The following EPG5 variants were observed in gnomAD, a reference collection of about 807,000 sequenced individuals.
EPG5 encodes the protein ectopic P-granules 5 autophagy tethering factor.
Under a neutral mutation model 302.7 loss-of-function variants are expected in EPG5, and 159 were observed. The observed-to-expected ratio is 0.53, with a 90% CI of 0.46 to 0.60. EPG5 has a LOEUF of 0.60. Ranked by LOEUF, EPG5 falls within the 20% of genes least tolerant of loss-of-function variation. The pLI, the probability that EPG5 is intolerant of heterozygous loss-of-function variation, is 0.00. For missense variants in EPG5, 2,896 were observed against 3,092.4 expected (o/e 0.94, Z 1.51); for synonymous variants, 1,158 against 1,136.8 (o/e 1.02, Z -0.37).
chr18:45,831,590 G>A, the EPG5 span, among the ~76,000 whole-genome samples: 2 of 152,166 alleles, frequency 1.3e-5, no homozygotes, highest in Non-Finnish European at 2.9e-5. Flanking sequence ...CTAGCACATG[G>A]TAAACTCTCA....
chr18:45,878,482 A>C, intron 33 of EPG5, 34 bp from the exon 34 acceptor site: 1 of 1,337,388 alleles, frequency 7.5e-7, no homozygotes, highest in Non-Finnish European at 1.1e-6. Context: ...AAAGGTCATC[A>C]TTTGTCATTT....
At chr18:45,818,794 C>T in the EPG5 span, among the ~76,000 whole-genome samples, 2 of 128,446 alleles carry the variant, frequency 1.6e-5, no homozygotes, top group East Asian at 2.6e-4. Context: ...AGTGCAGTGG[C>T]GTGATCTCGG....
chr18:45,842,459 GA>G, the EPG5 span: 23 of 455,620 alleles, frequency 5.0e-5, no homozygotes, highest in Non-Finnish European at 6.8e-5. Context: ...GAGAGAGAGA[GA>G]GTACACGCAT....
chr18:45,849,021 T>G lies in EPG5; in HGVS notation c.*3446A>C, dbSNP rs1374979805. 2.8e-5 allele frequency: 4 copies of G among 145,412 alleles called. No homozygotes were observed. The Admixed American group carries it at 2.8e-4, about 10-fold the overall frequency. The allele number at this position is 145,412 out of a possible 1,614,324, so 9.0% of individuals were successfully genotyped here. Reference sequence around the variant, plus strand: ...ATAGCTTGAACCCAGGAGGCGGAGGTTGCAGTGAGCCGAGACCATGCCATT... The same window carrying G: ...ATAGCTTGAACCCAGGAGGCGGAGGGTGCAGTGAGCCGAGACCATGCCATT... On this transcript the variant is annotated 3_prime_UTR_variant, in exon 44 of 44. Coordinates refer to ENST00000282041, the MANE Select transcript of EPG5 (RefSeq NM_020964.3).
chr18:45,865,514 G>C, intron 39 of EPG5, 101 bp downstream of exon 39: 1 of 1,259,642 alleles, frequency 7.9e-7, no homozygotes, highest in Admixed American at 2.0e-5. Context: ...TCTGGAAAGA[G>C]GAGTGCCAGT....
Position 45,952,409 on chromosome 18 carries a change from G to C in EPG5, c.1243C>G (p.Gln415Glu). Reference sequence around the variant, plus strand: ...TTCATTACTTACATACCTCGGCCTTGCTGGTGAATTGCTGAAGATCTCAGA... The same window carrying C: ...TTCATTACTTACATACCTCGGCCTTCCTGGTGAATTGCTGAAGATCTCAGA... Reference protein sequence around the residue: ...AVLRSSAIHQQGRASKQTESI... With the variant: ...AVLRSSAIHQEGRASKQTESI... Residue 415 changes from glutamine (Q) to glutamate (E), a missense_variant, in exon 3 of 44, where the codon CAA becomes GAA. Transcript: ENST00000282041. 5 of 1,613,920 alleles carry C rather than the reference G, an allele frequency of 3.1e-6. No individual in the cohort carries two copies. Among genetic ancestry groups the C allele is most frequent in the Non-Finnish European group, 4.2e-6 (5 of 1,179,964 alleles).
chr18:45,867,893 T>G (rs904508432), intron 36 of EPG5, 145 bp from the exon 37 acceptor site: 2 of 728,104 alleles, frequency 2.7e-6, no homozygotes, highest in African/African-American at 3.5e-5. Context: ...CCTAGAGATT[T>G]AGACTTAATA....
intron 12 of EPG5, among the ~76,000 whole-genome samples, chr18:45,930,341 G>C (rs2050372322): frequency 6.6e-6 from 1 of 152,122 alleles, no homozygotes; most frequent in Admixed American, 6.6e-5. Flanking sequence ...CTAGGTTTCT[G>C]CTACTAGCCA....
chr18:45,871,137 T>C (rs1034307911), intron 35 of EPG5, among the ~76,000 whole-genome samples: 24 of 152,216 alleles, frequency 1.6e-4, no homozygotes, highest in African/African-American at 5.5e-4. Context: ...GTTCCATTTT[T>C]TAAAAGAAGG....
At chr18:45,952,679 T>C in intron 2 of EPG5, 36 bp from the exon 3 acceptor site, 1 of 1,605,682 alleles carries the variant, frequency 6.2e-7, no homozygotes, top group Non-Finnish European at 8.5e-7. Context: ...ATGAAACCAG[T>C]TACTCTTTCC....
the EPG5 span, among the ~76,000 whole-genome samples, chr18:45,818,136 T>C: frequency 3.4e-4 from 52 of 152,350 alleles, no homozygotes; most frequent in African/African-American, 1.1e-3. Flanking sequence ...CTAATCTTTT[T>C]AATAGATTCA....
chr18:45,960,827 G>A (rs2051132941), intron 1 of EPG5, among the ~76,000 whole-genome samples: 1 of 151,592 alleles, frequency 6.6e-6, no homozygotes, highest in Non-Finnish European at 1.5e-5. Context: ...TAAAACTAAA[G>A]TTTTTTTTAA....
intron 24 of EPG5, among the ~76,000 whole-genome samples, chr18:45,906,816 G>A (rs560095778): frequency 4.6e-5 from 7 of 152,136 alleles, no homozygotes; most frequent in Admixed American, 2.6e-4. Context: ...CACCATGCCC[G>A]GCTAATTTTT....
At chr18:45,844,510 C>T (rs1162116059), downstream of EPG5, among the ~76,000 whole-genome samples, 1 of 152,036 alleles carries the variant, frequency 6.6e-6, no homozygotes. Context: ...TCACATGTAC[C>T]CTATAAATAT....
the EPG5 span, among the ~76,000 whole-genome samples, chr18:45,812,858 G>A: frequency 2.6e-5 from 4 of 152,156 alleles, no homozygotes; most frequent in Non-Finnish European, 5.9e-5. Flanking sequence ...CATAGGCATG[G>A]GCAAGGACTT....
At chr18:45,808,282 T>C in the EPG5 span, among the ~76,000 whole-genome samples, 2 of 152,308 alleles carry the variant, frequency 1.3e-5, no homozygotes, top group Admixed American at 1.3e-4. Flanking sequence ...AGAACAGACA[T>C]TTGAAAGTTT....
rs544994214 is a variant in EPG5, at chr18:45,872,499, T to A, written c.6050-1757A>T. ...CAGGCAGATCACTTTAGGTCAGGAGTTCGAGACTAACCTGGCCAACATGGT... is the reference window on the plus strand; with the variant it reads ...CAGGCAGATCACTTTAGGTCAGGAGATCGAGACTAACCTGGCCAACATGGT... On this transcript the variant is annotated intron_variant, in intron 35 of 43. Transcript: ENST00000282041. 3.3e-5 allele frequency among the ~76,000 whole-genome samples: 5 copies of A among 152,082 alleles called. No homozygotes were observed. In the South Asian group the frequency reaches 1.0e-3, roughly 32 times the overall value.
intron 27 of EPG5, among the ~76,000 whole-genome samples, chr18:45,893,488 G>A (rs192844641): frequency 5.3e-5 from 8 of 152,010 alleles, no homozygotes; most frequent in African/African-American, 1.9e-4. Context: ...GGGAGGTGGA[G>A]GTTGCAGTGA....
At position 45,875,667 on chromosome 18, in the gene EPG5, A is replaced by C. The variant is rs553106420; in HGVS notation, c.6049+569T>G. Among the ~76,000 whole-genome samples the C allele has an allele frequency of 1.5e-4, 23 of 152,324 alleles. No homozygotes were observed. The South Asian group carries it at 4.6e-3, about 30-fold the overall frequency. On this transcript the variant is annotated intron_variant, in intron 35 of 43. Coordinates refer to ENST00000282041, the MANE Select transcript of EPG5 (RefSeq NM_020964.3). ...AGTTAGGGAGGACAGGAAGAAACTCAACATGCAGGACAGGCAATATTGGAA... is the reference window on the plus strand; with the variant it reads ...AGTTAGGGAGGACAGGAAGAAACTCCACATGCAGGACAGGCAATATTGGAA...
Sources: gnomAD v4.1 joint callset for allele counts (sites outside exome capture counted in the v4.1 genomes callset) on GRCh38, gnomAD v4.1.1 for gene constraint, MANE v1.5 for transcripts, NCBI Gene and HGNC (gene_info 2026-07-23, HGNC 2026-07-21) for gene names.